The following GNL3L variants were observed in gnomAD, a reference collection of about 807,000 sequenced individuals.
GNL3L encodes guanine nucleotide-binding protein-like 3-like protein.
Under a neutral mutation model 42.9 loss-of-function variants are expected in GNL3L, and 4 were observed. The ratio of observed to expected loss-of-function variants is 0.09; its 90% CI spans 0.05 to 0.21. The LOEUF (loss-of-function observed/expected upper bound fraction) is 0.21, where lower values mean the gene tolerates loss of function less well. Among genes scored for constraint, GNL3L ranks in the 10% least tolerant of loss-of-function variants. The pLI is 1.00. For synonymous variants in GNL3L, 159 were observed against 176.3 expected (o/e 0.90, Z 0.78); for missense variants, 412 against 481.7 (o/e 0.86, Z 1.36).
At chrX:54,551,470 C>T (rs373287079) in intron 10 of GNL3L, 98 bp from the exon 11 acceptor site, 273 of 678,936 alleles carry the variant, frequency 4.0e-4, no homozygotes, top group Non-Finnish European at 5.8e-4. Context: ...AATGCACCCT[C>T]CCCTCACTCC....
In GNL3L at chrX:54,618,305, C is replaced by T. The variant is rs140941336; in HGVS notation, c.*46-2540C>T. Among the ~76,000 whole-genome samples the T allele has an allele frequency of 3.8e-4, 43 of 111,752 alleles. No individual in the cohort carries two copies. In the East Asian group the frequency reaches 0.012, roughly 31 times the overall value. ...TCCCCCTAGTCCTTCTAAACTTGCT[C>T]CTCCTCCTGGCTTTCCCAAGTCAGC... On this transcript the variant is annotated intron_variant, in intron 16 of 16. Transcript: ENST00000674498.
intron 16 of GNL3L, among the ~76,000 whole-genome samples, chrX:54,610,633 C>A (rs148236848): frequency 1.3e-4 from 14 of 111,350 alleles, no homozygotes; most frequent in Non-Finnish European, 2.5e-4. Flanking sequence ...TAATTCTGTT[C>A]GTGTGGTGTA....
Position 54,558,563 on chromosome X carries a change from T to C in GNL3L, c.1574T>C (p.Val525Ala), listed in dbSNP as rs2147495514. 1.7e-6 allele frequency: 2 copies of C among 1,210,458 alleles called. No homozygotes were observed. Among genetic ancestry groups the C allele is most frequent in the East Asian group, 5.9e-5 (2 of 33,816 alleles). The change falls in exon 15 of 16, where the codon GTG (valine) becomes GCG (alanine). Residue 525 changes from valine to alanine, a missense_variant. Transcript: ENST00000360845. ...VDVCSVDRRS[V>A]LQRIMETDPL... The stretch of plus-strand genomic sequence containing the variant: ...GTCTGCTCAGTGGACCGCCGCTCAG[T>C]GCTGCAGAGGATCATGGAGACGGAC...
rs773231512 is a variant in GNL3L at position 54,582,961 on chromosome X, A to G, written c.*45+22314A>G. ...ATCTGTCACCTGTATTATCTCTTCA[A>G]TGAAATGTCTGTTCATGTCTTTTGT... is the stretch of plus-strand genomic sequence containing the variant. On this transcript the variant is annotated intron_variant, in intron 16 of 16. Transcript: ENST00000674498. Among the ~76,000 whole-genome samples, 4 of 112,012 alleles carry G rather than the reference A, an allele frequency of 3.6e-5. No individual in the cohort carries two copies. The East Asian group carries it at 1.1e-3, about 31-fold the overall frequency.
At chrX:54,603,876 G>A (rs970808776) in intron 16 of GNL3L, among the ~76,000 whole-genome samples, 1 of 111,741 alleles carries the variant, frequency 8.9e-6, no homozygotes, top group Non-Finnish European at 1.9e-5. Context: ...GGGGCCAGGA[G>A]TGGTGGCTCA....
At chrX:54,550,623 C>T (rs748778945) in intron 9 of GNL3L, among the ~76,000 whole-genome samples, 23 of 111,739 alleles carry the variant, frequency 2.1e-4, no homozygotes, top group Non-Finnish European at 3.0e-4. Context: ...ACAGGTTGTT[C>T]TCTGTTTCTT....
downstream of GNL3L, among the ~76,000 whole-genome samples, chrX:54,626,107 G>A (rs188970517): frequency 3.0e-3 from 330 of 111,257 alleles, 1 homozygote; most frequent in Non-Finnish European, 2.6e-3. Context: ...TAATTCTACA[G>A]TGCTGCAGAA....
chrX:54,595,545 A>G (rs1294044894), intron 16 of GNL3L, among the ~76,000 whole-genome samples: 2 of 111,309 alleles, frequency 1.8e-5, no homozygotes, highest in East Asian at 2.8e-4. Flanking sequence ...ATGGCGTTCT[A>G]TTCCCTTCTA....
At chrX:54,544,092 G>C (rs1924702082) in intron 7 of GNL3L, 131 bp from the exon 8 acceptor site, 1 of 452,937 alleles carries the variant, frequency 2.2e-6, no homozygotes, top group Admixed American at 3.6e-5. Context: ...GGATGGGAAT[G>C]ACAGGGCCAG....
At chrX:54,642,749 A>G in the GNL3L span, among the ~76,000 whole-genome samples, 1 of 111,179 alleles carries the variant, frequency 9.0e-6, no homozygotes, top group Admixed American at 9.6e-5. Flanking sequence ...ACTCCTTTTT[A>G]TTCCCTGCAT....
chrX:54,635,429 A>C, the GNL3L span, among the ~76,000 whole-genome samples: 3 of 111,689 alleles, frequency 2.7e-5, no homozygotes, highest in Non-Finnish European at 5.6e-5. Context: ...AGTTTCTGTC[A>C]ATTTAGTTTG....
At chrX:54,541,123 C>A in intron 4 of GNL3L, 150 bp from the exon 5 acceptor site, 1 of 440,886 alleles carries the variant, frequency 2.3e-6, no homozygotes. Context: ...TCTTCTCAAA[C>A]CCTCATCTCC....
At chrX:54,594,306 T>TATATATATATATATA (rs1452872413) in intron 16 of GNL3L, among the ~76,000 whole-genome samples, 2 of 111,487 alleles carry the variant, frequency 1.8e-5, no homozygotes, top group African/African-American at 6.5e-5. Flanking sequence ...GCCTATATAT[T>TATATATATATATATA]TAAAATTGTT....
chrX:54,558,387 G>A (rs991869618), intron 14 of GNL3L, 49 bp from the exon 15 acceptor site: 1 of 920,780 alleles, frequency 1.1e-6, no homozygotes, highest in South Asian at 2.0e-5. Flanking sequence ...GTCTTTGGAG[G>A]TTCTCTGGGG....
chrX:54,545,590 T>G lies in GNL3L; in HGVS notation c.630+1264T>G, dbSNP rs752175657. On this transcript the variant is annotated intron_variant, in intron 8 of 15. Transcript: ENST00000360845. ...ATCACAGTTCTTCCCAATTATATCA[T>G]TAATAGAGAAATATGTATGGTTTGT... 2.7e-5 allele frequency among the ~76,000 whole-genome samples: 3 copies of G among 111,881 alleles called. No homozygotes were observed. In the Admixed American group the frequency reaches 2.9e-4, roughly 11 times the overall value.
intron 16 of GNL3L, among the ~76,000 whole-genome samples, chrX:54,589,945 A>G (rs1398951746): frequency 1.9e-5 from 2 of 106,700 alleles, no homozygotes; most frequent in Non-Finnish European, 1.9e-5. Context: ...TTTTTTATTA[A>G]TTATTATTTT....
intron 15 of GNL3L, among the ~76,000 whole-genome samples, chrX:54,560,290 C>G (rs1925221334): frequency 8.9e-6 from 1 of 111,783 alleles, no homozygotes; most frequent in South Asian, 3.7e-4. Context: ...GTCTGAAACC[C>G]TGAGATAGAA....
intron 16 of GNL3L, among the ~76,000 whole-genome samples, chrX:54,586,776 C>T (rs993334413): frequency 3.6e-5 from 4 of 111,778 alleles, no homozygotes; most frequent in Non-Finnish European, 7.5e-5. Flanking sequence ...CAGCTCAGCC[C>T]GGATCCAGCC....
downstream of GNL3L, among the ~76,000 whole-genome samples, chrX:54,571,389 G>C (rs1453264814): frequency 9.2e-6 from 1 of 108,260 alleles, no homozygotes; most frequent in South Asian, 4.0e-4. Context: ...TAGAGATGGG[G>C]TTTTACCGTG....
Sources: gnomAD v4.1 joint callset for allele counts (sites outside exome capture counted in the v4.1 genomes callset) on GRCh38, gnomAD v4.1.1 for gene constraint, MANE v1.5 for transcripts, NCBI Gene and HGNC (gene_info 2026-07-23, HGNC 2026-07-21) for gene names.